MAPKAPK3: variants seen among roughly 807,000 people sequenced by gnomAD.
MAPKAPK3 encodes MAP kinase-activated protein kinase 3.
In MAPKAPK3, 35 loss-of-function variants were observed where a neutral mutation model predicts 49.2. The ratio of observed to expected loss-of-function variants is 0.71; its 90% CI spans 0.54 to 0.94. The LOEUF is 0.94. Among genes scored for constraint, MAPKAPK3 ranks in the 40% least tolerant of loss-of-function variants. The pLI is 0.00. For synonymous variants in MAPKAPK3, 178 were observed against 188.7 expected (o/e 0.94, Z 0.46); for missense variants, 398 against 493.1 (o/e 0.81, Z 1.83).
intron 4 of MAPKAPK3, 45 bp from the exon 5 acceptor site, chr3:50,642,208 A>G (rs1332828020): frequency 7.6e-7 from 1 of 1,317,020 alleles, no homozygotes; most frequent in African/African-American, 1.4e-5. Context: ...TGGGGGCTTG[A>G]CCTTTGACTG....
At chr3:50,625,833 G>A (rs1366639732) in intron 2 of MAPKAPK3, among the ~76,000 whole-genome samples, 3 of 152,184 alleles carry the variant, frequency 2.0e-5, no homozygotes, top group Admixed American at 6.5e-5. Context: ...CTGAGGGCAG[G>A]CGGAGGACAG....
At chr3:50,646,696 G>A in intron 8 of MAPKAPK3, 44 bp from the exon 9 acceptor site, 1 of 1,557,336 alleles carries the variant, frequency 6.4e-7, no homozygotes, top group Admixed American at 1.7e-5. Flanking sequence ...GGAGGGGCTG[G>A]CTCTGCAATC....
chr3:50,616,616 A>G (rs1417045577), upstream of MAPKAPK3, among the ~76,000 whole-genome samples: 1 of 152,148 alleles, frequency 6.6e-6, no homozygotes, highest in African/African-American at 2.4e-5. Flanking sequence ...GGGAGCTGCA[A>G]AAAGGGGGCA....
chr3:50,611,596 T>A, upstream of MAPKAPK3: 1 of 1,522,894 alleles, frequency 6.6e-7, no homozygotes, highest in Non-Finnish European at 8.8e-7. Flanking sequence ...GCGCCCCTCG[T>A]GGTGGCCGGG....
At chr3:50,615,787 T>G (rs562792889), upstream of MAPKAPK3, among the ~76,000 whole-genome samples, 1 of 152,192 alleles carries the variant, frequency 6.6e-6, no homozygotes, top group South Asian at 2.1e-4. Flanking sequence ...AGCTTGAAGG[T>G]TGCCTGAAAG....
intron 5 of MAPKAPK3, 96 bp downstream of exon 5, chr3:50,642,428 A>G: frequency 1.1e-6 from 1 of 876,160 alleles, no homozygotes. Flanking sequence ...GATGGAGGCC[A>G]TGTTCCCTAG....
At chr3:50,642,750 ATTCATTTGTTTACTTG>A (rs1360915354) in intron 5 of MAPKAPK3, among the ~76,000 whole-genome samples, 2 of 152,216 alleles carry the variant, frequency 1.3e-5, no homozygotes, top group African/African-American at 4.8e-5. Flanking sequence ...GGATTCATTC[ATTCATTTGTTTACTTG>A]TTCAGCAAGA....
chr3:50,612,009 C>G (rs1253063843), exon 1 of MAPKAPK3: 3 of 292,140 alleles, frequency 1.0e-5, no homozygotes, highest in African/African-American at 6.5e-5. Context: ...CAAGAACTTT[C>G]CAGGAAAACG....
At chr3:50,640,139 G>A (rs909254180) in intron 2 of MAPKAPK3, among the ~76,000 whole-genome samples, 6 of 152,106 alleles carry the variant, frequency 3.9e-5, no homozygotes, top group Non-Finnish European at 7.4e-5. Context: ...CACCTCCTAC[G>A]GACTCCTTGA....
rs1411560540 is a variant in MAPKAPK3 at position 50,648,698 on chromosome 3, G to C, written c.*652G>C. ...AGCCCCAGCCCAGATGGCACTCAGC[G>C]CTCTCCCCTGAGGGAGTCCCTGGGC... On this transcript the variant is annotated 3_prime_UTR_variant, in exon 11 of 11. Coordinates refer to ENST00000621469, the MANE Select transcript of MAPKAPK3 (RefSeq NM_001243925.2). 6.6e-6 allele frequency: 1 copy of C among 152,448 alleles called. No individual in the cohort carries two copies. Among genetic ancestry groups the C allele is most frequent in the Non-Finnish European group, 1.5e-5 (1 of 68,242 alleles). The allele number at this position is 152,448 out of a possible 1,614,324, so 9.4% of individuals were successfully genotyped here.
At chr3:50,635,835 G>A (rs1367640340) in intron 2 of MAPKAPK3, among the ~76,000 whole-genome samples, 2 of 145,532 alleles carry the variant, frequency 1.4e-5, no homozygotes, top group African/African-American at 2.6e-5. Context: ...TACAATCTCA[G>A]TGCTTCAGAA....
At chr3:50,615,093 C>T (rs2032429464), upstream of MAPKAPK3, among the ~76,000 whole-genome samples, 1 of 152,228 alleles carries the variant, frequency 6.6e-6, no homozygotes, top group Admixed American at 6.5e-5. Flanking sequence ...CCTCCACCCT[C>T]AGCTGCCTAG....
intron 1 of MAPKAPK3, 65 bp downstream of exon 1, chr3:50,617,306 C>G: frequency 2.6e-6 from 1 of 380,820 alleles, no homozygotes. Flanking sequence ...AGGCGCCCGG[C>G]CCCTTCCCTT....
intron 5 of MAPKAPK3, among the ~76,000 whole-genome samples, chr3:50,643,660 C>T (rs560882993): frequency 2.0e-5 from 3 of 152,228 alleles, no homozygotes; most frequent in Admixed American, 6.5e-5. Flanking sequence ...CTTGAATAGA[C>T]TAAAACTGCT....
At chr3:50,618,213 G>C (rs1447137557) in intron 2 of MAPKAPK3, among the ~76,000 whole-genome samples, 5 of 152,222 alleles carry the variant, frequency 3.3e-5, no homozygotes, top group Non-Finnish European at 7.3e-5. Flanking sequence ...GGGTGGGACT[G>C]CTTCTTCCCT....
At chr3:50,614,500 AGTGTGTGTGTGTGTGTGTGTGT>A (rs3066739), upstream of MAPKAPK3, among the ~76,000 whole-genome samples, 60 of 138,944 alleles carry the variant, frequency 4.3e-4, no homozygotes, top group African/African-American at 1.6e-3. Flanking sequence ...GTAAGGACAG[AGTGTGTGTGTGTGTGTGTGTGT>A]GTGTGTGTGT....
chr3:50,634,815 G>T (rs1383639884), intron 2 of MAPKAPK3, among the ~76,000 whole-genome samples: 1 of 152,178 alleles, frequency 6.6e-6, no homozygotes, highest in Non-Finnish European at 1.5e-5. Context: ...TGTCTTCCCA[G>T]CTGTGACTGG....
intron 2 of MAPKAPK3, among the ~76,000 whole-genome samples, chr3:50,626,852 G>T (rs111697006): frequency 6.6e-6 from 1 of 152,144 alleles, no homozygotes; most frequent in Non-Finnish European, 1.5e-5. Flanking sequence ...TCCTCTCTGC[G>T]TGTGTGCTCC....
In MAPKAPK3 at chr3:50,634,493, T is replaced by C. The variant is rs1404434598; in HGVS notation, c.220-5873T>C. On this transcript the variant is annotated intron_variant, in intron 2 of 10. Transcript: ENST00000621469. ...AAATCCCCTCCTATCTTCTTCTTCTTTTTTTTTTTTTCTGAGGCAAAGTCT... is the reference window on the plus strand; with the variant it reads ...AAATCCCCTCCTATCTTCTTCTTCTCTTTTTTTTTTTCTGAGGCAAAGTCT... Among the ~76,000 whole-genome samples, 3 of 148,522 alleles carry C rather than the reference T, an allele frequency of 2.0e-5. No homozygotes were observed. The East Asian group carries it at 5.9e-4, about 29-fold the overall frequency.
Sources: gnomAD v4.1 joint callset for allele counts (sites outside exome capture counted in the v4.1 genomes callset) on GRCh38, gnomAD v4.1.1 for gene constraint, MANE v1.5 for transcripts, NCBI Gene and HGNC (gene_info 2026-07-23, HGNC 2026-07-21) for gene names.